SLCO3A1: variants seen among roughly 807,000 people sequenced by gnomAD.
SLCO3A1 encodes the protein PGE1 transporter.
SLCO3A1 carries 27 observed loss-of-function variants against 63.1 expected under a neutral mutation model. The observed-to-expected ratio is 0.43, with a 90% CI of 0.32 to 0.59. The LOEUF (loss-of-function observed/expected upper bound fraction) is 0.59, where lower values mean the gene tolerates loss of function less well. Ranked by LOEUF, SLCO3A1 falls within the 20% of genes least tolerant of loss-of-function variation. The pLI, the probability that SLCO3A1 is intolerant of heterozygous loss-of-function variation, is 0.09. For missense variants in SLCO3A1, 773 were observed against 945.8 expected, an observed-to-expected ratio of 0.82 and a Z score of 2.40; for synonymous variants, 473 against 409.9, an observed-to-expected ratio of 1.15 and a Z score of -1.86.
At chr15:91,988,346 A>G (rs778897185) in intron 2 of SLCO3A1, among the ~76,000 whole-genome samples, 7 of 152,338 alleles carry the variant, frequency 4.6e-5, no homozygotes, top group Non-Finnish European at 8.8e-5. Context: ...GTCGCAATCA[A>G]TCAATAAAGA....
chr15:92,113,230 C>T (rs767505162), intron 4 of SLCO3A1, among the ~76,000 whole-genome samples: 4 of 152,076 alleles, frequency 2.6e-5, no homozygotes, highest in Non-Finnish European at 4.4e-5. Context: ...TGGGGCGACA[C>T]CAATTTGGAG....
chr15:92,031,359 G>T (rs923778003), intron 2 of SLCO3A1, among the ~76,000 whole-genome samples: 1 of 152,188 alleles, frequency 6.6e-6, no homozygotes, highest in Admixed American at 6.5e-5. Context: ...CTTATCCAGT[G>T]CACAGCAGGA....
intron 2 of SLCO3A1, among the ~76,000 whole-genome samples, chr15:92,017,692 A>G (rs1003818643): frequency 1.3e-5 from 2 of 152,036 alleles, no homozygotes; most frequent in Non-Finnish European, 2.9e-5. Context: ...AAATTCTGGA[A>G]TGATTCTTGT....
intron 2 of SLCO3A1, among the ~76,000 whole-genome samples, chr15:92,075,148 C>G (rs917408101): frequency 6.6e-5 from 10 of 152,158 alleles, no homozygotes; most frequent in African/African-American, 2.4e-4. Flanking sequence ...TTGTCACCTG[C>G]TATCTTATGA....
chr15:91,956,999 AT>A (rs1900216954), intron 2 of SLCO3A1, among the ~76,000 whole-genome samples: 1 of 27,084 alleles, frequency 3.7e-5, no homozygotes, highest in African/African-American at 2.1e-4. Context: ...TATAGTATAT[AT>A]TATATATATA....
intron 2 of SLCO3A1, among the ~76,000 whole-genome samples, chr15:91,937,730 A>AG (rs1899466048): frequency 6.6e-6 from 1 of 151,980 alleles, no homozygotes; most frequent in Non-Finnish European, 1.5e-5. Context: ...AAAAAAAAAA[A>AG]AAAAGTGGGA....
chr15:91,998,061 A>G (rs1233961046), intron 2 of SLCO3A1, among the ~76,000 whole-genome samples: 2 of 152,262 alleles, frequency 1.3e-5, no homozygotes, highest in Non-Finnish European at 2.9e-5. Context: ...GCCAACCTAC[A>G]GAATGGGAGA....
intron 1 of SLCO3A1, among the ~76,000 whole-genome samples, chr15:91,866,110 C>G (rs76141603): frequency 0.061 from 9,298 of 152,132 alleles, 683 homozygotes; most frequent in African/African-American, 0.17. Flanking sequence ...AGGAATGAAC[C>G]TAGTTGGATG....
chr15:92,165,028 G>T lies in SLCO3A1; in HGVS notation c.*1893G>T. 1.0e-6 allele frequency: 1 copy of T among 985,372 alleles called. No homozygotes were observed. Among genetic ancestry groups the T allele is most frequent in the South Asian group, 4.7e-5 (1 of 21,286 alleles). The allele number at this position is 985,372 out of a possible 1,614,324, so 61.0% of individuals were successfully genotyped here. A position where few individuals can be genotyped will look rare whatever the true frequency, so the allele number is the denominator to read the frequency against. ...CATTTTACCCACAAGGCAAACAAAA[G>T]AATCAGGAAGTAAAAAATGGTTGGG... is the stretch of plus-strand genomic sequence containing the variant. On this transcript the variant is annotated 3_prime_UTR_variant, in exon 10 of 10. Transcript: ENST00000318445.
intron 4 of SLCO3A1, among the ~76,000 whole-genome samples, chr15:92,112,645 T>A (rs1265485825): frequency 2.0e-5 from 3 of 152,164 alleles, no homozygotes; most frequent in African/African-American, 7.2e-5. Flanking sequence ...TCAGAGCTGG[T>A]CCTCCTGCAT....
At chr15:91,906,038 G>C (rs1043945915) in intron 1 of SLCO3A1, among the ~76,000 whole-genome samples, 16 of 152,154 alleles carry the variant, frequency 1.1e-4, no homozygotes, top group Middle Eastern at 3.2e-3. Flanking sequence ...TAGCTGCGTG[G>C]CATCAATGGG....
intron 2 of SLCO3A1, among the ~76,000 whole-genome samples, chr15:92,062,881 G>T (rs2047103711): frequency 6.6e-6 from 1 of 152,144 alleles, no homozygotes; most frequent in South Asian, 2.1e-4. Context: ...TCTGAATCAG[G>T]GCCTGCCCGC....
At chr15:91,977,547 G>T (rs1387691949) in intron 2 of SLCO3A1, among the ~76,000 whole-genome samples, 2 of 152,140 alleles carry the variant, frequency 1.3e-5, no homozygotes, top group Non-Finnish European at 2.9e-5. Flanking sequence ...CTTCTAAGTA[G>T]GAGCTAAGCT....
intron 2 of SLCO3A1, among the ~76,000 whole-genome samples, chr15:92,052,051 C>T (rs1185182572): frequency 2.0e-5 from 3 of 152,136 alleles, no homozygotes; most frequent in African/African-American, 4.8e-5. Context: ...CCAGGGTTCT[C>T]GAATTCAGAG....
chr15:91,999,054 A>G (rs2046223558), intron 2 of SLCO3A1, among the ~76,000 whole-genome samples: 2 of 152,186 alleles, frequency 1.3e-5, no homozygotes, highest in African/African-American at 2.4e-5. Context: ...CAAATACCAC[A>G]TGTTCTTTTC....
At chr15:91,901,165 A>G (rs1381069443) in intron 1 of SLCO3A1, among the ~76,000 whole-genome samples, 1 of 151,938 alleles carries the variant, frequency 6.6e-6, no homozygotes, top group African/African-American at 2.4e-5. Context: ...TTATTTTCTT[A>G]GTGATTGCAT....
Position 92,165,754 on chromosome 15 carries a change from T to A in SLCO3A1, c.*2619T>A. 2.0e-6 allele frequency: 2 copies of A among 984,080 alleles called. No individual in the cohort carries two copies. The allele number at this position is 984,080 out of a possible 1,614,324, so 61.0% of individuals were successfully genotyped here. ...ACTCAGTCTAGTTTTAATTTGCCTT[T>A]TGTGCTCTAAAGAAGCATTGTACAT... is the stretch of plus-strand genomic sequence containing the variant. On this transcript the variant is annotated 3_prime_UTR_variant, in exon 10 of 10. Transcript: ENST00000318445.
intron 2 of SLCO3A1, among the ~76,000 whole-genome samples, chr15:92,010,447 A>T (rs1372788790): frequency 6.6e-6 from 1 of 152,070 alleles, no homozygotes; most frequent in Non-Finnish European, 1.5e-5. Context: ...ACCCTTTTTC[A>T]CTTCTTCCTA....
intron 2 of SLCO3A1, among the ~76,000 whole-genome samples, chr15:91,933,908 C>T (rs1314413483): frequency 2.6e-5 from 4 of 152,102 alleles, no homozygotes; most frequent in Non-Finnish European, 5.9e-5. Context: ...GAAATTACAA[C>T]CCTAGGATGG....
Sources: allele counts gnomAD v4.1 joint callset (sites outside exome capture counted in the v4.1 genomes callset), GRCh38; gene constraint gnomAD v4.1.1; transcripts MANE v1.5; gene names NCBI Gene and HGNC (gene_info 2026-07-23, HGNC 2026-07-21).